HAVCR1: variants seen among roughly 807,000 people sequenced by gnomAD.
HAVCR1 encodes T cell immunoglobin domain and mucin domain protein 1.
In HAVCR1, 34 loss-of-function variants were observed where a neutral mutation model predicts 32.0. The ratio of observed to expected loss-of-function variants is 1.06; its 90% CI spans 0.81 to 1.42. HAVCR1 has a LOEUF of 1.42. Ranked by LOEUF, HAVCR1 falls within the 40% of genes most tolerant of loss-of-function variation. HAVCR1 has a pLI of 0.00. For synonymous variants in HAVCR1, 178 were observed against 170.3 expected, an observed-to-expected ratio of 1.05 and a Z score of -0.35; for missense variants, 420 against 442.3, an observed-to-expected ratio of 0.95 and a Z score of 0.45.
At position 157,055,383 on chromosome 5, in the gene HAVCR1, C is replaced by T; in HGVS notation, c.197G>A (p.Gly66Glu). 6.2e-7 allele frequency: 1 copy of T among 1,613,872 alleles called. No individual in the cohort carries two copies. Among genetic ancestry groups the T allele is most frequent in the South Asian group, 1.1e-5 (1 of 91,078 alleles). ...GTCCTTCCGATAGGTGACGTGGGTT[C>T]CATTGGTCCAGACAATGCCATTTTG... ...TCQNGIVWTN[G>E]THVTYRKDTR... Residue 66 changes from glycine (G) to glutamate (E), a missense_variant, in exon 3 of 9, where the codon GGA becomes GAA. Transcript: ENST00000523175.
At chr5:157,057,083 G>T (rs533202410) in intron 2 of HAVCR1, among the ~76,000 whole-genome samples, 1 of 151,868 alleles carries the variant, frequency 6.6e-6, no homozygotes, top group African/African-American at 2.4e-5. Flanking sequence ...TTGGGAGGCC[G>T]AGGCAGGTGG....
intron 5 of HAVCR1, among the ~76,000 whole-genome samples, chr5:157,048,278 G>A (rs1470651192): frequency 6.6e-6 from 1 of 152,144 alleles, no homozygotes; most frequent in Non-Finnish European, 1.5e-5. Context: ...CCTGGCCCAA[G>A]GAATCAAGTC....
At chr5:157,052,778 G>A (rs555028100) in intron 3 of HAVCR1, 124 bp from the exon 4 acceptor site, 6 of 782,870 alleles carry the variant, frequency 7.7e-6, no homozygotes, top group Admixed American at 2.2e-5. Flanking sequence ...TTCCTGAACT[G>A]TCAATCTTGG....
At chr5:157,064,339 CAAAAAAA>C in the HAVCR1 span, among the ~76,000 whole-genome samples, 3 of 63,384 alleles carry the variant, frequency 4.7e-5, 1 homozygote, top group East Asian at 1.4e-3. Flanking sequence ...CCTGTCTCTA[CAAAAAAA>C]AAAAAAAAAG....
intron 3 of HAVCR1, among the ~76,000 whole-genome samples, chr5:157,054,932 G>T (rs954319044): frequency 1.3e-5 from 2 of 152,114 alleles, no homozygotes; most frequent in African/African-American, 2.4e-5. Context: ...GCAGATTTTG[G>T]TATCAAGGGG....
chr5:157,050,389 T>G (rs953569), intron 4 of HAVCR1, among the ~76,000 whole-genome samples: 72,584 of 151,926 alleles, frequency 0.48, 17,461 homozygotes, highest in Middle Eastern at 0.65. Flanking sequence ...AATTGTTCCC[T>G]GGAGTTTTAG....
At chr5:157,055,555 C>T (rs1756079295) in intron 2 of HAVCR1, 22 bp from the exon 3 acceptor site, 1 of 1,411,436 alleles carries the variant, frequency 7.1e-7, no homozygotes, top group Non-Finnish European at 9.8e-7. Context: ...AAAAGACAAA[C>T]TGAGAATGAG....
At chr5:157,039,804 T>C (rs1455288245) in intron 6 of HAVCR1, among the ~76,000 whole-genome samples, 2 of 152,322 alleles carry the variant, frequency 1.3e-5, no homozygotes, top group East Asian at 3.9e-4. Context: ...ATTTTTTCCT[T>C]AAGATAGAGC....
intron 3 of HAVCR1, among the ~76,000 whole-genome samples, chr5:157,052,874 G>A (rs1358156165): frequency 6.6e-6 from 1 of 152,188 alleles, no homozygotes; most frequent in Non-Finnish European, 1.5e-5. Context: ...ATTGAAAGGT[G>A]CATGCATATT....
chr5:157,056,627 G>A (rs945734182), intron 2 of HAVCR1, among the ~76,000 whole-genome samples: 8 of 150,910 alleles, frequency 5.3e-5, no homozygotes, highest in Admixed American at 2.0e-4. Flanking sequence ...TGATCTGCCC[G>A]CCTTGGCCTC....
rs139931710 is a variant in HAVCR1, at chr5:157,053,124, C to T, written c.380-470G>A. On this transcript the variant is annotated intron_variant, in intron 3 of 8. Coordinates refer to ENST00000523175, the MANE Select transcript of HAVCR1 (RefSeq NM_001173393.3). The stretch of plus-strand genomic sequence containing the variant: ...TGTAGAGACTGGGCGTGGTGGCTCA[C>T]GCCTGTAATCCCAGCACTTTATGGG... Among the ~76,000 whole-genome samples the T allele has an allele frequency of 2.8e-3, 424 of 152,220 alleles. 3 individuals carry two copies. Among genetic ancestry groups the T allele is most frequent in the African/African-American group, 9.4e-3 (391 of 41,554 alleles).
At chr5:157,030,338 C>T (rs1413794563) in intron 8 of HAVCR1, among the ~76,000 whole-genome samples, 2 of 152,188 alleles carry the variant, frequency 1.3e-5, no homozygotes, top group East Asian at 3.8e-4. Flanking sequence ...TTAAATAGTA[C>T]TGTTTCACAA....
chr5:157,049,073 T>A lies in HAVCR1; in HGVS notation c.746A>T (p.Glu249Val), dbSNP rs1471165584. The change falls in exon 5 of 9, where the codon GAA becomes GTA. Residue 249 changes from glutamate (E) to valine (V), a missense_variant. Transcript: ENST00000523175. Reference protein sequence around the residue: ...PTTLQGAIRREPTSSPLYSYT... With the variant: ...PTTLQGAIRRVPTSSPLYSYT... The stretch of plus-strand genomic sequence containing the variant: ...AGAGTACAATGGTGAGCTGGTGGGT[T>A]CTCTCCTTATTGCTCCCTGCAGTGT... 1.2e-6 allele frequency: 2 copies of A among 1,611,532 alleles called. No individual in the cohort carries two copies. The highest frequency in any genetic ancestry group is 1.7e-6 in the Non-Finnish European group (2 of 1,177,862).
intron 4 of HAVCR1, among the ~76,000 whole-genome samples, chr5:157,050,197 C>G (rs146486739): frequency 0.013 from 2,010 of 152,324 alleles, 108 homozygotes; most frequent in Admixed American, 0.09. Context: ...CTCTAGTGCT[C>G]AAACCTGTAA....
intron 5 of HAVCR1, among the ~76,000 whole-genome samples, chr5:157,044,463 GA>G: frequency 2.9e-5 from 2 of 68,504 alleles, no homozygotes; most frequent in African/African-American, 1.2e-4. Flanking sequence ...AAGAAAGAAA[GA>G]AAGAAAGGAA....
chr5:157,052,691 C>A, intron 3 of HAVCR1, 37 bp from the exon 4 acceptor site: 1 of 1,575,296 alleles, frequency 6.3e-7, no homozygotes, highest in South Asian at 1.1e-5. Flanking sequence ...GAGCATAAGT[C>A]AAACAAGAAA....
At position 157,029,473 on chromosome 5, in the gene HAVCR1, C is replaced by G. The variant is rs1581665721; in HGVS notation, c.*260G>C. The stretch of plus-strand genomic sequence containing the variant: ...AAAGAACATACAATTATAAAGTGTT[C>G]ATATTTGAGAGAAAACTGCAATGAT... On this transcript the variant is annotated 3_prime_UTR_variant, in exon 9 of 9. Coordinates refer to ENST00000523175, the MANE Select transcript of HAVCR1 (RefSeq NM_001173393.3). 1 of 727,410 alleles carries G rather than the reference C, an allele frequency of 1.4e-6. No homozygotes were observed. The highest frequency in any genetic ancestry group is 2.7e-5 in the East Asian group (1 of 37,066). 45.1% of individuals were successfully genotyped at this position (727,410 alleles called of 1,614,324 possible). A position where few individuals can be genotyped will look rare whatever the true frequency, so the allele number is the denominator to read the frequency against.
intron 2 of HAVCR1, 29 bp downstream of exon 2, chr5:157,057,869 C>A (rs774730567): frequency 5.7e-6 from 9 of 1,587,760 alleles, no homozygotes; most frequent in South Asian, 1.1e-5. Context: ...CTACTCCCTT[C>A]TTCCCGCCCA....
intron 5 of HAVCR1, among the ~76,000 whole-genome samples, chr5:157,044,674 A>AGGGAGGG (rs1372973651): frequency 1.2e-5 from 1 of 81,476 alleles, no homozygotes; most frequent in Non-Finnish European, 2.8e-5. Flanking sequence ...AGAAAGAAAG[A>AGGGAGGG]AAGGAGGGAG....
Sources: allele counts gnomAD v4.1 joint callset (sites outside exome capture counted in the v4.1 genomes callset), GRCh38; gene constraint gnomAD v4.1.1; transcripts MANE v1.5; gene names NCBI Gene and HGNC (gene_info 2026-07-23, HGNC 2026-07-21).